The following OSBP2 variants were observed in gnomAD, a reference collection of about 807,000 sequenced individuals.
The protein encoded by OSBP2 is oxysterol-binding protein 2.
Under a neutral mutation model 96.0 loss-of-function variants are expected in OSBP2, and 66 were observed. The ratio of observed to expected loss-of-function variants is 0.69; its 90% CI spans 0.56 to 0.84. OSBP2 has a LOEUF of 0.84. Among genes scored for constraint, OSBP2 ranks in the 40% least tolerant of loss-of-function variants. The probability of loss-of-function intolerance (pLI) is 0.00; values close to 1 mark genes in which losing one functional copy is unlikely to be tolerated. For missense variants in OSBP2, 1,038 were observed against 1,222.7 expected (o/e 0.85, Z 2.25); for synonymous variants, 525 against 520.9 (o/e 1.01, Z -0.11).
chr22:30,759,747 A>G (rs1167984266), intron 2 of OSBP2, among the ~76,000 whole-genome samples: 2 of 152,054 alleles, frequency 1.3e-5, no homozygotes, highest in Admixed American at 6.6e-5. Flanking sequence ...TCAGGCCTAC[A>G]TGATTTCACA....
chr22:30,719,217 T>G, intron 1 of OSBP2, among the ~76,000 whole-genome samples: 1 of 151,958 alleles, frequency 6.6e-6, no homozygotes. Context: ...CTTTCAGCCT[T>G]AGTTTGTGCT....
intron 2 of OSBP2, among the ~76,000 whole-genome samples, chr22:30,759,059 T>C (rs2090175776): frequency 1.3e-5 from 2 of 152,032 alleles, no homozygotes; most frequent in African/African-American, 4.8e-5. Context: ...GTGGAACAGA[T>C]CCAACTAGTA....
At chr22:30,761,403 A>G (rs928599875) in intron 2 of OSBP2, among the ~76,000 whole-genome samples, 3 of 152,222 alleles carry the variant, frequency 2.0e-5, no homozygotes, top group Non-Finnish European at 2.9e-5. Flanking sequence ...TATAGTATCT[A>G]TATGTAAATA....
intron 2 of OSBP2, among the ~76,000 whole-genome samples, chr22:30,806,359 A>G (rs2090928151): frequency 6.6e-6 from 1 of 152,204 alleles, no homozygotes; most frequent in African/African-American, 2.4e-5. Flanking sequence ...GAGGAAGAAT[A>G]AGCAGGGTTT....
At position 30,778,169 on chromosome 22, in the gene OSBP2, C is replaced by CTTTTTTTTTTTTT. The variant is rs1569119423; in HGVS notation, c.853+36800_853+36801insTTTTTTTTTTTTT. ...ACCAGCATGCCCGGCTAATTTTTGC[C>CTTTTTTTTTTTTT]CTTTTTTTTTTTTTTTTTTTTAGTA... On this transcript the variant is annotated intron_variant, in intron 2 of 13. Transcript: ENST00000332585. 6.9e-3 allele frequency among the ~76,000 whole-genome samples: 856 copies of CTTTTTTTTTTTTT among 124,104 alleles called. 157 individuals are homozygous for CTTTTTTTTTTTTT. Among genetic ancestry groups the CTTTTTTTTTTTTT allele is most frequent in the Non-Finnish European group, 7.9e-3 (476 of 59,898 alleles). 81.4% of individuals were successfully genotyped at this position (124,104 alleles called of 152,430 possible). A position where few individuals can be genotyped will look rare whatever the true frequency, so the allele number is the denominator to read the frequency against.
chr22:30,792,066 C>CT (rs2090683195), intron 2 of OSBP2, among the ~76,000 whole-genome samples: 1 of 152,104 alleles, frequency 6.6e-6, no homozygotes, highest in African/African-American at 2.4e-5. Flanking sequence ...AATCCCAGCA[C>CT]TTTGGGAGGC....
chr22:30,797,588 A>ATTTG (rs2090782501), intron 2 of OSBP2, among the ~76,000 whole-genome samples: 1 of 144,476 alleles, frequency 6.9e-6, no homozygotes, highest in Non-Finnish European at 1.5e-5. Context: ...GGCCCTATTT[A>ATTTG]TTTTTATTTA....
At chr22:30,724,500 C>T (rs944174433) in intron 1 of OSBP2, among the ~76,000 whole-genome samples, 8 of 152,154 alleles carry the variant, frequency 5.3e-5, no homozygotes, top group Admixed American at 2.0e-4. Flanking sequence ...GGATTACAGG[C>T]GTGAGCCACC....
At chr22:30,884,889 G>C (rs949778668) in intron 3 of OSBP2, among the ~76,000 whole-genome samples, 2 of 152,244 alleles carry the variant, frequency 1.3e-5, no homozygotes, top group Non-Finnish European at 2.9e-5. Flanking sequence ...TGGCACAGTC[G>C]CTGGAGAGAC....
At chr22:30,725,168 T>A (rs1163580177) in intron 1 of OSBP2, among the ~76,000 whole-genome samples, 3 of 124,162 alleles carry the variant, frequency 2.4e-5, no homozygotes, top group East Asian at 4.8e-4. Context: ...AGAGCAAGAC[T>A]CTGTCTCAAA....
chr22:30,881,941 C>A lies in OSBP2; in HGVS notation c.1108-5485C>A. The A allele has an allele frequency of 1.4e-6, 1 of 692,226 alleles. No individual in the cohort carries two copies. Among genetic ancestry groups the A allele is most frequent in the Non-Finnish European group, 2.1e-6 (1 of 468,304 alleles). 42.9% of individuals were successfully genotyped at this position (692,226 alleles called of 1,614,324 possible). A position where few individuals can be genotyped will look rare whatever the true frequency, so the allele number is the denominator to read the frequency against. On this transcript the variant is annotated intron_variant, in intron 3 of 13. Transcript: ENST00000332585. The surrounding 1 kb of genome is among the most constrained non-coding windows in gnomAD (Gnocchi z 4.5). ...ATATTAGGGCACAGCAGTTTTCACCCTGCCCCGCTTTTAGGTGACTGTGAC... is the reference window on the plus strand; with the variant it reads ...ATATTAGGGCACAGCAGTTTTCACCATGCCCCGCTTTTAGGTGACTGTGAC...
At chr22:30,802,645 C>T (rs136261) in intron 2 of OSBP2, among the ~76,000 whole-genome samples, 28,900 of 152,264 alleles carry the variant, frequency 0.19, 2,823 homozygotes, top group Middle Eastern at 0.24. Context: ...TCGCCTTTAT[C>T]TAGCCCTCTG....
At position 30,776,115 on chromosome 22, in the gene OSBP2, C is replaced by CTTT. The variant is rs66689098; in HGVS notation, c.853+34758_853+34760dup. 7.2e-5 allele frequency among the ~76,000 whole-genome samples: 10 copies of CTTT among 139,550 alleles called. No homozygotes were observed. In the East Asian group the frequency reaches 1.8e-3, roughly 26 times the overall value. 91.6% of individuals were successfully genotyped at this position (139,550 alleles called of 152,430 possible). A position where few individuals can be genotyped will look rare whatever the true frequency, so the allele number is the denominator to read the frequency against. ...CCAGACTCATTTTTCTTTTTCTTTT[C>CTTT]TTTTTTTTTTTTTTATTTTTCTTTT... On this transcript the variant is annotated intron_variant, in intron 2 of 13. Transcript: ENST00000332585.
chr22:30,729,412 A>G, intron 1 of OSBP2, among the ~76,000 whole-genome samples: 1 of 152,246 alleles, frequency 6.6e-6, no homozygotes, highest in East Asian at 1.9e-4. Context: ...CCAAGGTGGG[A>G]GGATCACCTG....
chr22:30,734,435 G>T (rs2089822494), intron 1 of OSBP2, among the ~76,000 whole-genome samples: 1 of 152,106 alleles, frequency 6.6e-6, no homozygotes, highest in Non-Finnish European at 1.5e-5. Context: ...CAGCTTGCAG[G>T]GCCCAGGTCT....
intron 2 of OSBP2, among the ~76,000 whole-genome samples, chr22:30,800,192 C>A (rs1308249478): frequency 6.6e-6 from 1 of 152,318 alleles, no homozygotes; most frequent in Non-Finnish European, 1.5e-5. Context: ...ATTGTGGACA[C>A]TTTGCTGGGA....
intron 2 of OSBP2, among the ~76,000 whole-genome samples, chr22:30,747,761 C>T (rs1025398765): frequency 5.3e-5 from 8 of 152,182 alleles, no homozygotes; most frequent in Non-Finnish European, 1.2e-4. Context: ...GACTGGTGTC[C>T]CATCTTCGGA....
intron 1 of OSBP2, among the ~76,000 whole-genome samples, chr22:30,735,410 C>CTTTTTTT (rs774749546): frequency 5.4e-4 from 54 of 100,598 alleles, no homozygotes; most frequent in East Asian, 8.3e-4. Context: ...TCTTCTCTCT[C>CTTTTTTT]TTTTTTTTTT....
chr22:30,872,698 G>C (rs544916587), intron 3 of OSBP2, among the ~76,000 whole-genome samples: 1 of 152,348 alleles, frequency 6.6e-6, no homozygotes, highest in South Asian at 2.1e-4. Context: ...TTGAATCAGG[G>C]GCAGGGAGGG....
Sources: allele counts gnomAD v4.1 joint callset (sites outside exome capture counted in the v4.1 genomes callset), GRCh38; gene constraint gnomAD v4.1.1; non-coding constraint Gnocchi (gnomAD v3.1); transcripts MANE v1.5; gene names NCBI Gene and HGNC (gene_info 2026-07-23, HGNC 2026-07-21).